Variants in ATOSA observed in about 807,000 individuals in gnomAD.
ATOSA encodes atos homolog protein A.
the ATOSA span, among the ~76,000 whole-genome samples, chr15:52,617,201 TA>T: frequency 1.1e-4 from 17 of 152,288 alleles, no homozygotes; most frequent in African/African-American, 4.1e-4. Context: ...CATGTAGCTT[TA>T]AAAGAAGAGA....
the ATOSA span, among the ~76,000 whole-genome samples, chr15:52,654,257 A>C: frequency 6.6e-6 from 1 of 152,208 alleles, no homozygotes; most frequent in Non-Finnish European, 1.5e-5. Flanking sequence ...CACTCCAAAT[A>C]GATGTGCCAC....
At chr15:52,604,225 T>C in the ATOSA span, among the ~76,000 whole-genome samples, 1 of 152,182 alleles carries the variant, frequency 6.6e-6, no homozygotes, top group Non-Finnish European at 1.5e-5. Flanking sequence ...ATCGAGAACA[T>C]CCTGGCTAAC....
the ATOSA span, chr15:52,648,777 T>C: frequency 2.0e-5 from 3 of 152,126 alleles, no homozygotes; most frequent in East Asian, 5.8e-4. Context: ...CCCATCCATG[T>C]ATGAGCCTTA....
the ATOSA span, chr15:52,582,120 G>A: frequency 6.7e-7 from 1 of 1,502,010 alleles, no homozygotes; most frequent in Non-Finnish European, 8.8e-7. Context: ...GCAAACTTGG[G>A]TACTGAGTAA....
the ATOSA span, among the ~76,000 whole-genome samples, chr15:52,638,760 T>G: frequency 6.6e-6 from 1 of 150,798 alleles, no homozygotes; most frequent in Non-Finnish European, 1.5e-5. Flanking sequence ...GAAGGTTGTA[T>G]GCGTGTGGAA....
At chr15:52,610,292 C>T in the ATOSA span, 1 of 1,613,950 alleles carries the variant, frequency 6.2e-7, no homozygotes, top group Non-Finnish European at 8.5e-7. Flanking sequence ...ACTTTCAAGG[C>T]AACATTGTGA....
the ATOSA span, chr15:52,601,045 A>G: frequency 7.7e-7 from 1 of 1,303,688 alleles, no homozygotes; most frequent in Non-Finnish European, 1.1e-6. Context: ...AATTTTGTGA[A>G]ATTCTGTTTG....
At chr15:52,607,148 C>T in the ATOSA span, among the ~76,000 whole-genome samples, 42 of 152,030 alleles carry the variant, frequency 2.8e-4, no homozygotes, top group African/African-American at 8.7e-4. Context: ...ATAAGTAATA[C>T]GACTTATTTA....
At chr15:52,609,592 T>C in the ATOSA span, 18 of 1,613,194 alleles carry the variant, frequency 1.1e-5, no homozygotes, top group Middle Eastern at 1.7e-4. Context: ...TTTCCCCTCA[T>C]TGGTGTCTTC....
the ATOSA span, among the ~76,000 whole-genome samples, chr15:52,707,145 T>C: frequency 6.6e-6 from 1 of 152,194 alleles, no homozygotes. Flanking sequence ...ATTGGAAAGT[T>C]ACCATTTTAC....
the ATOSA span, chr15:52,652,085 A>G: frequency 1.4e-6 from 2 of 1,429,900 alleles, no homozygotes; most frequent in Admixed American, 2.8e-5. Flanking sequence ...ACATAGCAAC[A>G]GCACTCACAG....
chr15:52,588,529 C>T, the ATOSA span, among the ~76,000 whole-genome samples: 1 of 152,116 alleles, frequency 6.6e-6, no homozygotes, highest in Non-Finnish European at 1.5e-5. Context: ...ACCCTTGCCT[C>T]CCGGGTTCAA....
the ATOSA span, chr15:52,651,961 C>G: frequency 6.5e-7 from 1 of 1,534,774 alleles, no homozygotes; most frequent in Non-Finnish European, 8.7e-7. Flanking sequence ...GCTATACTAT[C>G]AGTAACTGAG....
At chr15:52,597,992 C>T in the ATOSA span, among the ~76,000 whole-genome samples, 19 of 151,958 alleles carry the variant, frequency 1.3e-4, no homozygotes, top group African/African-American at 3.6e-4. Context: ...GGCATGGTGG[C>T]GCGCTCCTGT....
the ATOSA span, among the ~76,000 whole-genome samples, chr15:52,638,513 G>A: frequency 6.6e-6 from 1 of 151,972 alleles, no homozygotes; most frequent in Non-Finnish European, 1.5e-5. Context: ...GGCCAACAGA[G>A]TGAAACCCTG....
At chr15:52,644,087 C>CTTT in the ATOSA span, among the ~76,000 whole-genome samples, 1 of 141,910 alleles carries the variant, frequency 7.0e-6, no homozygotes, top group Non-Finnish European at 1.6e-5. Flanking sequence ...TTGTGAAAGG[C>CTTT]TTTTTTTTTT....
chr15:52,701,219 CT>C, the ATOSA span, among the ~76,000 whole-genome samples: 2,560 of 152,268 alleles, frequency 0.017, 63 homozygotes, highest in African/African-American at 0.052. Context: ...TGGCTCATGC[CT>C]TGTAATCCAA....
chr15:52,638,318 T>TACCTTCTATAACCTTCTATA, the ATOSA span, among the ~76,000 whole-genome samples: 1 of 152,178 alleles, frequency 6.6e-6, no homozygotes, highest in Non-Finnish European at 1.5e-5. Context: ...TAAAAACGCT[T>TACCTTCTATAACCTTCTATA]ACCTTCTATA....
chr15:52,640,587 A>T, the ATOSA span, among the ~76,000 whole-genome samples: 2 of 147,000 alleles, frequency 1.4e-5, no homozygotes, highest in East Asian at 2.0e-4. Context: ...AAAAAAAAAA[A>T]AAAAAAAAAA....
Sources: gnomAD v4.1 joint callset for allele counts (sites outside exome capture counted in the v4.1 genomes callset) on GRCh38, gnomAD v4.1.1 for gene constraint, MANE v1.5 for transcripts, NCBI Gene and HGNC (gene_info 2026-07-23, HGNC 2026-07-21) for gene names.